The following FCN2 variants were observed in gnomAD, a reference collection of about 807,000 sequenced individuals.
The protein encoded by FCN2 is ficolin-2.
FCN2 carries 31 observed loss-of-function variants against 32.5 expected under a neutral mutation model. The observed-to-expected ratio is 0.96, with a 90% CI of 0.72 to 1.29. The LOEUF is 1.29. Ranked by LOEUF, FCN2 falls within the 50% of genes most tolerant of loss-of-function variation. The probability of loss-of-function intolerance (pLI) is 0.00; values close to 1 mark genes in which losing one functional copy is unlikely to be tolerated. For missense variants in FCN2, 412 were observed against 406.5 expected, an observed-to-expected ratio of 1.01 and a Z score of -0.12; for synonymous variants, 181 against 164.5, an observed-to-expected ratio of 1.10 and a Z score of -0.77.
At chr9:134,866,496 G>A in the FCN2 span, among the ~76,000 whole-genome samples, 1 of 150,044 alleles carries the variant, frequency 6.7e-6, no homozygotes, top group Admixed American at 6.6e-5. Context: ...ATTCAAGATG[G>A]ATTAAAGACT....
upstream of FCN2, among the ~76,000 whole-genome samples, chr9:134,880,239 A>C (rs1830643953): frequency 6.6e-6 from 1 of 152,056 alleles, no homozygotes; most frequent in Admixed American, 6.5e-5. Context: ...TGTGCTCTAC[A>C]TACTGCCCCA....
chr9:134,871,487 G>A, the FCN2 span, among the ~76,000 whole-genome samples: 1 of 152,236 alleles, frequency 6.6e-6, no homozygotes, highest in Non-Finnish European at 1.5e-5. Flanking sequence ...CCGCCGCTGC[G>A]TGCTCACTCC....
upstream of FCN2, among the ~76,000 whole-genome samples, chr9:134,878,707 G>T (rs1180373954): frequency 6.6e-6 from 1 of 152,124 alleles, no homozygotes; most frequent in East Asian, 1.9e-4. Flanking sequence ...GCCGGACATG[G>T]TAGTGCCTGC....
the FCN2 span, among the ~76,000 whole-genome samples, chr9:134,873,246 TAG>T: frequency 6.6e-6 from 1 of 152,162 alleles, no homozygotes; most frequent in Non-Finnish European, 1.5e-5. Flanking sequence ...ACCACAAACT[TAG>T]AGGCTTACAA....
the FCN2 span, among the ~76,000 whole-genome samples, chr9:134,867,374 G>A: frequency 6.6e-6 from 1 of 151,296 alleles, no homozygotes; most frequent in Admixed American, 6.6e-5. Context: ...ATCATTCTCA[G>A]TAAACTATCA....
rs1395562968 is a variant in FCN2 at position 134,885,355 on chromosome 9, G to C, written c.418G>C (p.Gly140Arg). 1 of 1,613,696 alleles carries C rather than the reference G, an allele frequency of 6.2e-7. No homozygotes were observed. Among genetic ancestry groups the C allele is most frequent in the African/African-American group, 1.3e-5 (1 of 74,924 alleles). Residue 140 changes from glycine (G) to arginine (R), a missense_variant, in exon 5 of 8, where the codon GGG (glycine) becomes CGG (arginine). Physicochemically the swap from Gly to Arg is moderately radical, Grantham distance 125 (BLOSUM62 -2). Transcript: ENST00000291744. The part of the protein sequence containing the change: ...TVLCDMDTDG[G>R]GWTVFQRRVD... ...GCTCTGTGACATGGACACGGACGGA[G>C]GGGGCTGGACCGTGAGTGTGGGGCT...
rs777866820 is a variant in FCN2, at chr9:134,886,456, G to T, written c.586G>T (p.Val196Leu). ...AACCAGCGAGCTCCGTGTAGACCTGGTGGACTTTGAGGACAACTACCAGTT... is the reference window on the plus strand; with the variant it reads ...AACCAGCGAGCTCCGTGTAGACCTGTTGGACTTTGAGGACAACTACCAGTT... The part of the protein sequence containing the change: ...QGTSELRVDL[V>L]DFEDNYQFAK... The change falls in exon 7 of 8, where the codon GTG (valine) becomes TTG (leucine). Residue 196 changes from valine (V) to leucine (L), a missense_variant. By Grantham distance (32) the Val-to-Leu change is conservative. Coordinates refer to ENST00000291744, the MANE Select transcript of FCN2 (RefSeq NM_004108.3). 5.0e-6 allele frequency: 8 copies of T among 1,614,178 alleles called. 1 individual carries two copies. The Admixed American group carries it at 6.7e-5, about 13-fold the overall frequency.
chr9:134,880,750 G>C, upstream of FCN2: 1 of 1,178,510 alleles, frequency 8.5e-7, no homozygotes, highest in Non-Finnish European at 1.3e-6. Flanking sequence ...ATGAGAAATT[G>C]GAGTCTGAGG....
rs371214099 is a variant in FCN2 at position 134,882,433 on chromosome 9, T to C, written c.101-93T>C. The C allele has an allele frequency of 7.0e-5, 72 of 1,031,108 alleles. No homozygotes were observed. In the East Asian group the frequency reaches 8.5e-4, roughly 12 times the overall value. The allele number at this position is 1,031,108 out of a possible 1,614,324, so 63.9% of individuals were successfully genotyped here. ...CTGCCCAGTCCTGATGTCACCAAGA[T>C]GGCAGATGCCTTTCAGTTGAGTGGT... On this transcript the variant is annotated intron_variant, in intron 1 of 7. Coordinates refer to ENST00000291744, the MANE Select transcript of FCN2 (RefSeq NM_004108.3).
chr9:134,885,691 C>T (rs950132868), intron 5 of FCN2, 77 bp from the exon 6 acceptor site: 7 of 1,600,474 alleles, frequency 4.4e-6, no homozygotes, highest in African/African-American at 2.7e-5. Flanking sequence ...AAATGCTGCT[C>T]CTCTGGAGGG....
chr9:134,880,937 G>C lies in FCN2; in HGVS notation c.100+16G>C, dbSNP rs754065261. 1 of 1,590,710 alleles carries C rather than the reference G, an allele frequency of 6.3e-7. No individual in the cohort carries two copies. ...ACCTGTCCAGGTAAGGGCACTCCAG[G>C]GCCTCCTCCTGGAAACTTCTCGTCC... On this transcript the variant is annotated intron_variant, in intron 1 of 7. Coordinates refer to ENST00000291744, the MANE Select transcript of FCN2 (RefSeq NM_004108.3).
Position 134,885,281 on chromosome 9 carries a change from T to G in FCN2, c.344T>G (p.Leu115Arg), listed in dbSNP as rs1830729823. 6.2e-7 allele frequency: 1 copy of G among 1,614,046 alleles called. No homozygotes were observed. The highest frequency in any genetic ancestry group is 8.5e-7 in the Non-Finnish European group (1 of 1,180,030). Residue 115 changes from leucine (L) to arginine (R), a missense_variant, in exon 5 of 8, where the codon CTG (leucine) becomes CGG (arginine). Leu to Arg is a moderately radical substitution (Grantham distance 102, BLOSUM62 -2). Transcript: ENST00000291744. Reference protein sequence around the residue: ...CKDLLDRGHFLSGWHTIYLPD... With the variant: ...CKDLLDRGHFRSGWHTIYLPD... ...GACCTGCTAGACCGAGGGCACTTCC[T>G]GAGCGGCTGGCACACCATCTACCTG...
chr9:134,869,275 G>A, the FCN2 span, among the ~76,000 whole-genome samples: 1 of 152,224 alleles, frequency 6.6e-6, no homozygotes, highest in African/African-American at 2.4e-5. Flanking sequence ...AGATTTGAAG[G>A]GGGCGAGTGG....
chr9:134,871,564 C>G, the FCN2 span, among the ~76,000 whole-genome samples: 2 of 152,222 alleles, frequency 1.3e-5, no homozygotes, highest in Non-Finnish European at 2.9e-5. Context: ...TCTGGGGCCC[C>G]AGACCCTTCG....
chr9:134,877,510 T>C (rs1458285411), upstream of FCN2, among the ~76,000 whole-genome samples: 1 of 152,242 alleles, frequency 6.6e-6, no homozygotes, highest in African/African-American at 2.4e-5. Flanking sequence ...ATACTTTGTA[T>C]GGCTTGAATC....
At chr9:134,870,515 G>A in the FCN2 span, among the ~76,000 whole-genome samples, 271 of 152,180 alleles carry the variant, frequency 1.8e-3, 1 homozygote, top group Middle Eastern at 0.01. This position sits in a 1 kb window ranked among gnomAD's most constrained non-coding sequence, Gnocchi z 4.3. Flanking sequence ...TCAGTGGAGG[G>A]AGGCCGTGCC....
the FCN2 span, among the ~76,000 whole-genome samples, chr9:134,868,777 G>A: frequency 6.6e-6 from 1 of 152,250 alleles, no homozygotes; most frequent in Admixed American, 6.5e-5. This position sits in a 1 kb window ranked among gnomAD's most constrained non-coding sequence, Gnocchi z 4.3. Flanking sequence ...GCCCTGACCA[G>A]TGACCACACC....
At chr9:134,876,107 C>T (rs1487019189), upstream of FCN2, among the ~76,000 whole-genome samples, 1 of 152,132 alleles carries the variant, frequency 6.6e-6, no homozygotes, top group Non-Finnish European at 1.5e-5. Flanking sequence ...AACAAACATT[C>T]TATTCCTGGG....
chr9:134,874,653 C>T, the FCN2 span, among the ~76,000 whole-genome samples: 1 of 152,102 alleles, frequency 6.6e-6, no homozygotes. Context: ...ATTGACCTCC[C>T]AAATTTGTTT....
Sources: allele counts gnomAD v4.1 joint callset (sites outside exome capture counted in the v4.1 genomes callset), GRCh38; gene constraint gnomAD v4.1.1; non-coding constraint Gnocchi (gnomAD v3.1); transcripts MANE v1.5; gene names NCBI Gene and HGNC (gene_info 2026-07-23, HGNC 2026-07-21).